PPP3CB: variants seen among roughly 807,000 people sequenced by gnomAD.
PPP3CB encodes the protein protein phosphatase 3 catalytic subunit beta, also known as serine/threonine-protein phosphatase 2B catalytic subunit beta isoform.
Under a neutral mutation model 66.4 loss-of-function variants are expected in PPP3CB, and 8 were observed. The ratio of observed to expected loss-of-function variants is 0.12; its 90% CI spans 0.07 to 0.22. PPP3CB has a LOEUF of 0.22. PPP3CB is among the 10% of genes least tolerant of loss of function. PPP3CB has a pLI of 1.00. For missense variants in PPP3CB, 319 were observed against 642.5 expected (o/e 0.50, Z 5.44); for synonymous variants, 208 against 221.2 (o/e 0.94, Z 0.53).
rs937217869 is a variant in PPP3CB at position 73,439,841 on chromosome 10, T to A, written c.1396+31A>T. 8 of 1,607,486 alleles carry A rather than the reference T, an allele frequency of 5.0e-6. No homozygotes were observed. In the African/African-American group the frequency reaches 1.1e-4, roughly 22 times the overall value. ...CTGATGCCCACCCACACACCACAGA[T>A]CTCTGCCCAGCACAAGGACTCTGAT... On this transcript the variant is annotated intron_variant, in intron 13 of 13. Transcript: ENST00000360663.
intron 1 of PPP3CB, among the ~76,000 whole-genome samples, chr10:73,485,151 G>A (rs1422321920): frequency 6.6e-6 from 1 of 152,132 alleles, no homozygotes. Context: ...CTGTTCTGTT[G>A]AAAATCTTCC....
rs775907792 is a variant in PPP3CB, at chr10:73,438,268, C to T, written c.1549G>A (p.Gly517Arg). ...CACTGGGCAGTATGGTTGCCCGTCC[C>T]GTGGTTCTCAGTGGCATGTGCGGTG... ...LNTAHATENH[G>R]TGNHTAQ The change falls in exon 14 of 14, where the codon GGG becomes AGG. Residue 517 changes from glycine to arginine, a missense_variant. Physicochemically the swap from Gly to Arg is moderately radical, Grantham distance 125 (BLOSUM62 -2). Coordinates refer to ENST00000360663, the MANE Select transcript of PPP3CB (RefSeq NM_021132.4). 9 of 1,613,990 alleles carry T rather than the reference C, an allele frequency of 5.6e-6. No individual in the cohort carries two copies. The highest frequency in any genetic ancestry group is 2.2e-5 in the South Asian group (2 of 91,070).
intron 1 of PPP3CB, among the ~76,000 whole-genome samples, chr10:73,484,169 T>C (rs1251342742): frequency 6.6e-6 from 1 of 152,198 alleles, no homozygotes; most frequent in Non-Finnish European, 1.5e-5. Context: ...AACTACTACT[T>C]TGTTTTGCAA....
chr10:73,470,670 T>A lies in PPP3CB; in HGVS notation c.982+17A>T, dbSNP rs553211936. 54 of 1,435,146 alleles carry A rather than the reference T, an allele frequency of 3.8e-5. No individual in the cohort carries two copies. The East Asian group carries it at 6.0e-4, about 16-fold the overall frequency. 88.9% of individuals were successfully genotyped at this position (1,435,146 alleles called of 1,614,324 possible). A position where few individuals can be genotyped will look rare whatever the true frequency, so the allele number is the denominator to read the frequency against. On this transcript the variant is annotated intron_variant, in intron 8 of 13. Transcript: ENST00000360663. ...TACTAAGTTGTTTAACAATTTTTTTTATCAACAATATCTTACCTTTATTAT... is the reference window on the plus strand; with the variant it reads ...TACTAAGTTGTTTAACAATTTTTTTAATCAACAATATCTTACCTTTATTAT...
chr10:73,451,686 CT>C (rs1409830130), intron 10 of PPP3CB, among the ~76,000 whole-genome samples: 2 of 150,670 alleles, frequency 1.3e-5, no homozygotes, highest in Non-Finnish European at 2.9e-5. Context: ...GGGAGGACTG[CT>C]TGAGGCCAGG....
chr10:73,439,734 G>T (rs1018216877), intron 13 of PPP3CB, 138 bp downstream of exon 13: 2 of 899,594 alleles, frequency 2.2e-6, no homozygotes, highest in Non-Finnish European at 3.4e-6. Flanking sequence ...GGGCTGCAAG[G>T]CTTCTAAACT....
intron 12 of PPP3CB, chr10:73,444,493 C>G: frequency 1.5e-6 from 2 of 1,297,768 alleles, no homozygotes; most frequent in Non-Finnish European, 2.1e-6. Context: ...TCATGAAAAG[C>G]TGAGGAACTG....
chr10:73,439,961 G>T, intron 12 of PPP3CB, 60 bp from the exon 13 acceptor site: 1 of 1,502,414 alleles, frequency 6.7e-7, no homozygotes, highest in Non-Finnish European at 9.3e-7. Context: ...GGGTCATATT[G>T]TACAGCAGAA....
chr10:73,470,360 T>C (rs966994329), intron 8 of PPP3CB, among the ~76,000 whole-genome samples: 36 of 152,320 alleles, frequency 2.4e-4, no homozygotes, highest in African/African-American at 8.2e-4. Context: ...AGCAGCTTTA[T>C]ACAAATAAGA....
chr10:73,451,177 T>C (rs1412545185), intron 10 of PPP3CB, among the ~76,000 whole-genome samples: 3 of 151,734 alleles, frequency 2.0e-5, no homozygotes, highest in Non-Finnish European at 4.4e-5. Context: ...TAACATACTA[T>C]TGCAATACTC....
chr10:73,452,587 T>C (rs2056364305), intron 10 of PPP3CB, among the ~76,000 whole-genome samples: 1 of 151,774 alleles, frequency 6.6e-6, no homozygotes. Context: ...TCCCAGCTAC[T>C]TGGGAGGCTG....
chr10:73,451,412 A>G (rs548969638), intron 10 of PPP3CB, among the ~76,000 whole-genome samples: 21 of 152,226 alleles, frequency 1.4e-4, no homozygotes, highest in South Asian at 6.2e-4. Context: ...TGTAATAGTA[A>G]TAAGAACATA....
chr10:73,448,538 T>C (rs1206178063), intron 10 of PPP3CB: 1 of 435,084 alleles, frequency 2.3e-6, no homozygotes, highest in African/African-American at 2.0e-5. Flanking sequence ...AAACTTAAGC[T>C]AAATTTGCAC....
chr10:73,482,937 A>G (rs1208582298), intron 1 of PPP3CB, among the ~76,000 whole-genome samples: 1 of 152,056 alleles, frequency 6.6e-6, no homozygotes, highest in African/African-American at 2.4e-5. Flanking sequence ...TATACTTCCT[A>G]ACAACCAACA....
At chr10:73,462,007 T>C (rs932601959) in intron 9 of PPP3CB, among the ~76,000 whole-genome samples, 10 of 152,100 alleles carry the variant, frequency 6.6e-5, no homozygotes, top group Non-Finnish European at 1.3e-4. Context: ...TTGCTCCTGC[T>C]CTCACCACGT....
At chr10:73,479,857 G>T (rs1290266263) in intron 1 of PPP3CB, among the ~76,000 whole-genome samples, 1 of 152,008 alleles carries the variant, frequency 6.6e-6, no homozygotes, top group Non-Finnish European at 1.5e-5. Flanking sequence ...TACCTTAAAT[G>T]AAGTACAATA....
chr10:73,470,492 G>A (rs2056686247), intron 8 of PPP3CB, among the ~76,000 whole-genome samples, 195 bp downstream of exon 8: 1 of 152,160 alleles, frequency 6.6e-6, no homozygotes, highest in African/African-American at 2.4e-5. Flanking sequence ...GAGACAAGTT[G>A]TGGAATGGGG....
intron 1 of PPP3CB, among the ~76,000 whole-genome samples, chr10:73,493,603 T>C (rs2057113582): frequency 6.6e-6 from 1 of 152,216 alleles, no homozygotes; most frequent in Non-Finnish European, 1.5e-5. Flanking sequence ...GGAGACTCCA[T>C]GAGCAGTGCA....
chr10:73,482,537 C>T (rs1324015215), intron 1 of PPP3CB, among the ~76,000 whole-genome samples: 7 of 97,224 alleles, frequency 7.2e-5, no homozygotes, highest in Non-Finnish European at 5.7e-5. Flanking sequence ...AGCGAGACTC[C>T]GTCTCAAAAA....
Sources: allele counts gnomAD v4.1 joint callset (sites outside exome capture counted in the v4.1 genomes callset), GRCh38; gene constraint gnomAD v4.1.1; transcripts MANE v1.5; gene names NCBI Gene and HGNC (gene_info 2026-07-23, HGNC 2026-07-21).